The following CASK variants were observed in gnomAD, a reference collection of about 807,000 sequenced individuals.
CASK encodes calcium/calmodulin dependent serine protein kinase.
A neutral mutation model predicts 82.9 loss-of-function variants in CASK; 4 were observed. The ratio of observed to expected loss-of-function variants is 0.05; its 90% CI spans 0.02 to 0.11. CASK has a LOEUF of 0.11. Among genes scored for constraint, CASK ranks in the 10% least tolerant of loss-of-function variants. The probability of loss-of-function intolerance (pLI) is 1.00; values close to 1 mark genes in which losing one functional copy is unlikely to be tolerated. For missense variants in CASK, 358 were observed against 720.9 expected (o/e 0.50, Z 5.76); for synonymous variants, 259 against 253.5 (o/e 1.02, Z -0.20).
chrX:41,759,298 T>A (rs1381643601), intron 3 of CASK, among the ~76,000 whole-genome samples: 1 of 111,666 alleles, frequency 9.0e-6, no homozygotes, highest in African/African-American at 3.3e-5. Flanking sequence ...TTTAAAAATC[T>A]TTCTTTTCCC....
intron 26 of CASK, chrX:41,522,943 C>T (rs1014445454): frequency 8.9e-6 from 1 of 112,457 alleles, no homozygotes; most frequent in African/African-American, 3.2e-5. Flanking sequence ...TGTCTACATT[C>T]TAAATCTATT....
At chrX:41,563,595 T>C (rs2065264346) in intron 16 of CASK, among the ~76,000 whole-genome samples, 1 of 109,703 alleles carries the variant, frequency 9.1e-6, no homozygotes, top group Admixed American at 9.8e-5. Context: ...ATAAACAATA[T>C]TAGAAATGAA....
chrX:41,740,888 T>C (rs1408058713), intron 4 of CASK, among the ~76,000 whole-genome samples: 2 of 112,139 alleles, frequency 1.8e-5, no homozygotes, highest in African/African-American at 6.5e-5. Flanking sequence ...TTATTTTTTA[T>C]TTTTATTTTT....
chrX:41,556,470 C>G (rs969033213), intron 19 of CASK, among the ~76,000 whole-genome samples: 6 of 112,208 alleles, frequency 5.3e-5, no homozygotes, highest in African/African-American at 1.6e-4. Context: ...AACAGCGTGG[C>G]TTAAGTGCAG....
At chrX:41,673,987 G>A in intron 5 of CASK, among the ~76,000 whole-genome samples, 1 of 110,020 alleles carries the variant, frequency 9.1e-6, no homozygotes, top group East Asian at 2.8e-4. Context: ...TGGCATTTTT[G>A]TTTGGTGTTT....
chrX:41,587,450 A>C (rs1393500667), intron 13 of CASK: 1 of 114,375 alleles, frequency 8.7e-6, no homozygotes, highest in East Asian at 2.7e-4. Flanking sequence ...GAACTAATTA[A>C]TTAGACTACT....
intron 16 of CASK, 186 bp from the exon 17 acceptor site, chrX:41,561,830 A>G (rs983122814): frequency 1.2e-5 from 5 of 416,742 alleles, no homozygotes; most frequent in Admixed American, 8.6e-5. Flanking sequence ...AAACAGATAT[A>G]TCTACTTGTG....
intron 5 of CASK, among the ~76,000 whole-genome samples, chrX:41,738,378 T>G (rs1432479358): frequency 1.8e-5 from 2 of 112,659 alleles, no homozygotes; most frequent in Non-Finnish European, 3.7e-5. Context: ...GAGTGAGATA[T>G]TTTACAACTA....
At chrX:41,707,587 T>G (rs746048525) in intron 5 of CASK, among the ~76,000 whole-genome samples, 8 of 112,288 alleles carry the variant, frequency 7.1e-5, no homozygotes, top group Non-Finnish European at 1.3e-4. Flanking sequence ...GAAGAATATG[T>G]GTAGCACTGA....
rs199979473 is a variant in CASK, at chrX:41,676,400, T to C, written c.430-4870A>G. ...CTCCTCATTGGATAATTCAGCTCCT[T>C]GCTCAGTTACAGACTTCATGCAGGC... On this transcript the variant is annotated intron_variant, in intron 5 of 26. Transcript: ENST00000378163. 3.1e-3 allele frequency: 3,767 copies of C among 1,197,533 alleles called. 8 individuals carry two copies. Among genetic ancestry groups the C allele is most frequent in the Middle Eastern group, 9.7e-3 (36 of 3,727 alleles).
At chrX:41,856,315 T>G (rs529215480) in intron 1 of CASK, among the ~76,000 whole-genome samples, 2 of 111,300 alleles carry the variant, frequency 1.8e-5, no homozygotes, top group South Asian at 7.6e-4. Context: ...ATAATTAAAT[T>G]TGGAATCCAA....
chrX:41,634,559 A>G (rs1238747237), intron 9 of CASK, among the ~76,000 whole-genome samples: 1 of 112,309 alleles, frequency 8.9e-6, no homozygotes, highest in Non-Finnish European at 1.9e-5. Context: ...TGGCCCCGGG[A>G]GAAGTACAGC....
chrX:41,699,883 T>G (rs1220373980), intron 5 of CASK, among the ~76,000 whole-genome samples: 1 of 111,711 alleles, frequency 9.0e-6, no homozygotes, highest in Non-Finnish European at 1.9e-5. Flanking sequence ...AGGCTACTTA[T>G]GACATATAAT....
At position 41,516,073 on chromosome X, in the gene CASK, G is replaced by C. The variant is rs940253608; in HGVS notation, c.*4347C>G. The C allele has an allele frequency of 1.8e-5, 2 of 112,540 alleles. No homozygotes were observed. The highest frequency in any genetic ancestry group is 6.5e-5 in the African/African-American group (2 of 30,995). 9.3% of individuals were successfully genotyped at this position (112,540 alleles called of 1,213,427 possible). ...ATTTTCTATTCCCACAAAGAGCTAAGACTTAGGAGTGCTGGCCCCAGAGAT... is the reference window on the plus strand; with the variant it reads ...ATTTTCTATTCCCACAAAGAGCTAACACTTAGGAGTGCTGGCCCCAGAGAT... On this transcript the variant is annotated 3_prime_UTR_variant, in exon 27 of 27. Coordinates refer to ENST00000378163, the MANE Select transcript of CASK (RefSeq NM_001367721.1).
intron 5 of CASK, chrX:41,728,969 C>CT (rs1360680055): frequency 8.1e-6 from 1 of 123,021 alleles, no homozygotes; most frequent in Non-Finnish European, 1.9e-5. Flanking sequence ...TTGGATTAGG[C>CT]TTTGTCAAAG....
In CASK at chrX:41,531,016, C is replaced by G. The variant is rs1434791938; in HGVS notation, c.2511G>C (p.Val837=). The change falls in exon 25 of 27, where the codon GTG becomes GTC. Residue 837 remains valine, a synonymous_variant. Coordinates refer to ENST00000378163, the MANE Select transcript of CASK (RefSeq NM_001367721.1). ...GGAGGCTGGGCATTACCTGAGGCTC[C>G]ACGTCCAGTATTGCAATCAGCCCCT... ...HEQGLIAILD[V]EPQALKVLRT... The G allele has an allele frequency of 4.1e-6, 5 of 1,208,132 alleles. No individual in the cohort carries two copies. Among genetic ancestry groups the G allele is most frequent in the Non-Finnish European group, 5.6e-6 (5 of 893,630 alleles).
chrX:41,697,423 G>A (rs2067709761), intron 5 of CASK: 2 of 116,170 alleles, frequency 1.7e-5, no homozygotes, highest in African/African-American at 6.5e-5. Context: ...TAAACAATAG[G>A]GTCATTTCAG....
At chrX:41,780,917 G>A (rs1318823744) in intron 3 of CASK, among the ~76,000 whole-genome samples, 1 of 111,272 alleles carries the variant, frequency 9.0e-6, no homozygotes, top group Non-Finnish European at 1.9e-5. Context: ...CCAAACTGCT[G>A]GGATTACAGG....
intron 8 of CASK, among the ~76,000 whole-genome samples, chrX:41,644,715 G>A (rs918276765): frequency 8.9e-6 from 1 of 111,912 alleles, no homozygotes; most frequent in Non-Finnish European, 1.9e-5. Context: ...CTTTTTCTCA[G>A]CATGGAACGT....
Sources: gnomAD v4.1 joint callset for allele counts (sites outside exome capture counted in the v4.1 genomes callset) on GRCh38, gnomAD v4.1.1 for gene constraint, MANE v1.5 for transcripts, NCBI Gene and HGNC (gene_info 2026-07-23, HGNC 2026-07-21) for gene names.